The following KCNC1 variants were observed in gnomAD, a reference collection of about 807,000 sequenced individuals.
The protein encoded by KCNC1 is voltage-gated potassium channel KCNC1.
A neutral mutation model predicts 43.4 loss-of-function variants in KCNC1; 8 were observed. That is an observed-to-expected ratio of 0.18 (90% CI 0.11 to 0.33). The LOEUF is 0.33. Ranked by LOEUF, KCNC1 falls within the 10% of genes least tolerant of loss-of-function variation. KCNC1 has a pLI of 1.00. For synonymous variants in KCNC1, 361 were observed against 360.5 expected, an observed-to-expected ratio of 1.00 and a Z score of -0.01; for missense variants, 420 against 836.0, an observed-to-expected ratio of 0.50 and a Z score of 6.14.
At position 17,756,943 on chromosome 11, in the gene KCNC1, C is replaced by G. The variant is rs1849029158; in HGVS notation, c.571-14722C>G. Among the ~76,000 whole-genome samples the G allele has an allele frequency of 2.6e-5, 4 of 152,142 alleles. No homozygotes were observed. The South Asian group carries it at 8.3e-4, about 32-fold the overall frequency. On this transcript the variant is annotated intron_variant, in intron 1 of 3. Transcript: ENST00000265969. ...GAGTCAGAGAGACCTGGTTTCAAAG[C>G]CCACCTAACACTTTCCAGCTATGTG...
chr11:17,775,056 G>GCA, intron 2 of KCNC1: 3 of 985,520 alleles, frequency 3.0e-6, no homozygotes, highest in Non-Finnish European at 3.6e-6. Context: ...TGGGCATAGG[G>GCA]TTGGGGTGAG....
rs1848808666 is a variant in KCNC1, at chr11:17,739,320, G to T, written c.570+2748G>T. On this transcript the variant is annotated intron_variant, in intron 1 of 3. Coordinates refer to ENST00000265969, the MANE Select transcript of KCNC1 (RefSeq NM_001112741.2). This position sits in a 1 kb window ranked among gnomAD's most constrained non-coding sequence, Gnocchi z 4.2. ...TTTGTAAGAGAGATTGTGTGTGAGT[G>T]TGAGAGACTTGTGTGTGTGAGAATA... 6.6e-6 allele frequency among the ~76,000 whole-genome samples: 1 copy of T among 151,810 alleles called. No homozygotes were observed. The highest frequency in any genetic ancestry group is 1.5e-5 in the Non-Finnish European group (1 of 67,814).
intron 1 of KCNC1, among the ~76,000 whole-genome samples, chr11:17,759,796 C>G (rs970483112): frequency 3.3e-5 from 5 of 152,076 alleles, no homozygotes; most frequent in Admixed American, 1.3e-4. Flanking sequence ...GATCAATGAT[C>G]ACAGGTCACC....
At chr11:17,747,863 A>G (rs1164732658) in intron 1 of KCNC1, among the ~76,000 whole-genome samples, 3 of 152,094 alleles carry the variant, frequency 2.0e-5, no homozygotes, top group Non-Finnish European at 4.4e-5. Context: ...CCTGCCCACA[A>G]TGCCACTCAC....
rs1354736827 is a variant in KCNC1 at position 17,742,329 on chromosome 11, G to C, written c.570+5757G>C. Among the ~76,000 whole-genome samples, 1 of 152,156 alleles carries C rather than the reference G, an allele frequency of 6.6e-6. No individual in the cohort carries two copies. The highest frequency in any genetic ancestry group is 1.5e-5 in the Non-Finnish European group (1 of 68,016). ...GGAGGGAGGTGGTGGTTGTCTCAGA[G>C]GTGGGGGAGGGGGTTCAGTGGGGGC... On this transcript the variant is annotated intron_variant, in intron 1 of 3. Coordinates refer to ENST00000265969, the MANE Select transcript of KCNC1 (RefSeq NM_001112741.2). This position sits in a 1 kb window ranked among gnomAD's most constrained non-coding sequence, Gnocchi z 4.2.
intron 1 of KCNC1, among the ~76,000 whole-genome samples, chr11:17,760,426 C>T (rs77036213): frequency 2.2e-4 from 34 of 152,180 alleles, no homozygotes; most frequent in African/African-American, 6.3e-4. Flanking sequence ...AGGAGACCCC[C>T]GTTAGCCTCC....
chr11:17,766,724 C>T (rs573004144), intron 1 of KCNC1, among the ~76,000 whole-genome samples: 1 of 152,250 alleles, frequency 6.6e-6, no homozygotes, highest in Non-Finnish European at 1.5e-5. Context: ...ACAACCTGCT[C>T]TTACGGATTC....
chr11:17,749,774 G>A (rs897568061), intron 1 of KCNC1, among the ~76,000 whole-genome samples: 6 of 152,198 alleles, frequency 3.9e-5, no homozygotes, highest in African/African-American at 1.4e-4. Flanking sequence ...AGCTGCCGTG[G>A]GTGCTTCTGC....
chr11:17,763,638 A>AC (rs369127117), intron 1 of KCNC1, among the ~76,000 whole-genome samples: 14,977 of 85,288 alleles, frequency 0.18, 1,786 homozygotes, highest in African/African-American at 0.3. Context: ...ACACACACAC[A>AC]CCCCCACACC....
Position 17,777,905 on chromosome 11 carries a change from C to A in KCNC1, c.1505-1551C>A. ...CCCACGTGCACGCCCAGCGTGTGCACGTGGGGAAGGATCACTTCTGCGTGT... is the reference window on the plus strand; with the variant it reads ...CCCACGTGCACGCCCAGCGTGTGCAAGTGGGGAAGGATCACTTCTGCGTGT... On this transcript the variant is annotated intron_variant, in intron 2 of 3. Coordinates refer to ENST00000265969, the MANE Select transcript of KCNC1 (RefSeq NM_001112741.2). The surrounding 1 kb of genome is among the most constrained non-coding windows in gnomAD (Gnocchi z 4.3). The A allele has an allele frequency of 3.2e-6, 3 of 937,980 alleles. No homozygotes were observed. Among genetic ancestry groups the A allele is most frequent in the Non-Finnish European group, 3.8e-6 (3 of 786,064 alleles). 58.1% of individuals were successfully genotyped at this position (937,980 alleles called of 1,614,324 possible). A position where few individuals can be genotyped will look rare whatever the true frequency, so the allele number is the denominator to read the frequency against.
Position 17,773,664 on chromosome 11 carries a change from C to T in KCNC1, c.1504+1066C>T. 1 of 985,348 alleles carries T rather than the reference C, an allele frequency of 1.0e-6. No individual in the cohort carries two copies. Among genetic ancestry groups the T allele is most frequent in the Non-Finnish European group, 1.2e-6 (1 of 829,894 alleles). The allele number at this position is 985,348 out of a possible 1,614,324, so 61.0% of individuals were successfully genotyped here. ...GGGACTATCTCAGTTTTATGAGAAC[C>T]TGCACATAGCACATAAAGTTGATCA... On this transcript the variant is annotated intron_variant, in intron 2 of 3. Transcript: ENST00000265969. The surrounding 1 kb of genome is among the most constrained non-coding windows in gnomAD (Gnocchi z 4.1).
chr11:17,774,306 T>G, intron 2 of KCNC1: 1 of 985,522 alleles, frequency 1.0e-6, no homozygotes, highest in Non-Finnish European at 1.2e-6. Context: ...AGCTTCCATG[T>G]GGGCCTGGCA....
chr11:17,772,324 G>A lies in KCNC1; in HGVS notation c.1230G>A (p.Thr410=), dbSNP rs1295549018. 13 of 1,614,072 alleles carry A rather than the reference G, an allele frequency of 8.1e-6. No individual in the cohort carries two copies. The highest frequency in any genetic ancestry group is 3.3e-5 in the South Asian group (3 of 91,088). Reference sequence around the variant, plus strand: ...GCTATGGAGACATGTACCCGCAGACGTGGTCCGGCATGCTGGTGGGGGCTC... The same window carrying A: ...GCTATGGAGACATGTACCCGCAGACATGGTCCGGCATGCTGGTGGGGGCTC... ...TLGYGDMYPQ[T]WSGMLVGALC... is the part of the protein sequence containing the mutation. Residue 410 remains threonine (T), a synonymous_variant, in exon 2 of 4, where the codon ACG becomes ACA. Transcript: ENST00000265969.
Position 17,779,449 on chromosome 11 carries a change from T to C in KCNC1, c.1505-7T>C. The C allele has an allele frequency of 6.5e-7, 1 of 1,538,124 alleles. No individual in the cohort carries two copies. The highest frequency in any genetic ancestry group is 8.8e-7 in the Non-Finnish European group (1 of 1,140,874). On this transcript the variant is annotated splice_polypyrimidine_tract_variant and splice_region_variant and intron_variant, in intron 2 of 3. Transcript: ENST00000265969. The surrounding 1 kb of genome is among the most constrained non-coding windows in gnomAD (Gnocchi z 7.2). ...TGTCTCAATAGCTTCTGCTTATATG[T>C]TTGAAGATTCCAAACTGAATGGGGA...
intron 3 of KCNC1, chr11:17,780,388 C>G (rs762203839): frequency 6.6e-6 from 1 of 152,506 alleles, no homozygotes; most frequent in Non-Finnish European, 1.5e-5. Flanking sequence ...GCACGCTAGG[C>G]TGTCCCCACT....
rs1849339514 is a variant in KCNC1 at position 17,781,053 on chromosome 11, A to G, written c.1694-617A>G. 6.6e-6 allele frequency: 1 copy of G among 152,296 alleles called. No homozygotes were observed. The highest frequency in any genetic ancestry group is 2.1e-4 in the South Asian group (1 of 4,834). 9.4% of individuals were successfully genotyped at this position (152,296 alleles called of 1,614,324 possible). On this transcript the variant is annotated intron_variant, in intron 3 of 3. Coordinates refer to ENST00000265969, the MANE Select transcript of KCNC1 (RefSeq NM_001112741.2). The surrounding 1 kb of genome is among the most constrained non-coding windows in gnomAD (Gnocchi z 5.1). ...CCGAGGAGTGAGGGGAAAAGCAGGT[A>G]GACGGTTCCCAGTGTCTGTGCCCTG... is the stretch of plus-strand genomic sequence containing the variant.
chr11:17,775,012 C>A, intron 2 of KCNC1: 1 of 985,332 alleles, frequency 1.0e-6, no homozygotes, highest in Non-Finnish European at 1.2e-6. Flanking sequence ...TCTTCCCATT[C>A]ACCTTTTTTC....
At chr11:17,741,250 A>G (rs567022298) in intron 1 of KCNC1, among the ~76,000 whole-genome samples, 3 of 125,846 alleles carry the variant, frequency 2.4e-5, no homozygotes, top group African/African-American at 9.0e-5. Flanking sequence ...AAAATCATAA[A>G]CCAAGCGCCT....
At position 17,760,001 on chromosome 11, in the gene KCNC1, A is replaced by G. The variant is rs1181370192; in HGVS notation, c.571-11664A>G. ...CGAACGAGGCATGTCTGCATATCCT[A>G]TATGGAGCGCCTTCCTACTCACTGC... is the stretch of plus-strand genomic sequence containing the variant. On this transcript the variant is annotated intron_variant, in intron 1 of 3. Transcript: ENST00000265969. 2.6e-5 allele frequency among the ~76,000 whole-genome samples: 4 copies of G among 152,186 alleles called. No homozygotes were observed. In the East Asian group the frequency reaches 5.8e-4, roughly 22 times the overall value.
Sources: gnomAD v4.1 joint callset for allele counts (sites outside exome capture counted in the v4.1 genomes callset) on GRCh38, gnomAD v4.1.1 for gene constraint, Gnocchi (gnomAD v3.1) non-coding constraint, MANE v1.5 for transcripts, NCBI Gene and HGNC (gene_info 2026-07-23, HGNC 2026-07-21) for gene names.